Variants in RNLS observed in about 807,000 individuals in gnomAD.
The protein encoded by RNLS is renalase, FAD dependent amine oxidase, also known as renalase.
RNLS carries 39 observed loss-of-function variants against 39.8 expected under a neutral mutation model. The observed-to-expected ratio is 0.98, with a 90% CI of 0.76 to 1.28. RNLS has a LOEUF of 1.28. RNLS is among the 50% of genes most tolerant of loss of function. RNLS has a pLI of 0.00. For missense variants in RNLS, 410 were observed against 413.3 expected (o/e 0.99, Z 0.07); for synonymous variants, 147 against 150.7 (o/e 0.98, Z 0.18).
chr10:88,293,059 C>T (rs922591380), intron 6 of RNLS, among the ~76,000 whole-genome samples: 9 of 151,644 alleles, frequency 5.9e-5, no homozygotes, highest in Non-Finnish European at 1.2e-4. Context: ...AAACAAATAA[C>T]AAGAAACAAA....
At chr10:88,195,423 C>T in the RNLS span, among the ~76,000 whole-genome samples, 1 of 151,956 alleles carries the variant, frequency 6.6e-6, no homozygotes, top group Non-Finnish European at 1.5e-5. Context: ...AATTTCACAC[C>T]CCCCTCCTTT....
intron 1 of RNLS, 122 bp downstream of exon 1, chr10:88,582,951 C>A: frequency 8.5e-7 from 1 of 1,172,498 alleles, no homozygotes; most frequent in Non-Finnish European, 1.2e-6. Context: ...CGCTACACGG[C>A]CGCTCAGGGA....
At chr10:88,422,289 A>G (rs1854454542) in intron 4 of RNLS, among the ~76,000 whole-genome samples, 1 of 152,196 alleles carries the variant, frequency 6.6e-6, no homozygotes. Context: ...TTTAAAAACC[A>G]TTTTATATGG....
chr10:88,442,887 G>C (rs1216141407), intron 4 of RNLS, among the ~76,000 whole-genome samples: 2 of 152,142 alleles, frequency 1.3e-5, no homozygotes, highest in Non-Finnish European at 2.9e-5. Flanking sequence ...CCCTCCACCA[G>C]ACATTGCTAT....
intron 2 of RNLS, 79 bp downstream of exon 2, chr10:88,582,123 C>T: frequency 9.0e-7 from 1 of 1,109,268 alleles, no homozygotes; most frequent in South Asian, 1.5e-5. Flanking sequence ...TTCCATTTAT[C>T]AGCTAATCTA....
intron 6 of RNLS, among the ~76,000 whole-genome samples, chr10:88,313,241 G>A (rs1425852938): frequency 6.6e-6 from 1 of 152,112 alleles, no homozygotes; most frequent in Non-Finnish European, 1.5e-5. Context: ...TTACGAGAAA[G>A]GCACAAGAGG....
intron 4 of RNLS, among the ~76,000 whole-genome samples, chr10:88,561,017 C>T (rs1333596372): frequency 6.6e-6 from 1 of 152,074 alleles, no homozygotes; most frequent in Non-Finnish European, 1.5e-5. Flanking sequence ...AACTCTCTAG[C>T]ACCACAGGTG....
At chr10:88,366,841 T>C (rs1489327991) in intron 4 of RNLS, among the ~76,000 whole-genome samples, 1 of 151,742 alleles carries the variant, frequency 6.6e-6, no homozygotes, top group African/African-American at 2.4e-5. Flanking sequence ...GATGTTTCCT[T>C]GTTCCCGCTC....
intron 5 of RNLS, among the ~76,000 whole-genome samples, chr10:88,362,197 C>A: frequency 6.6e-6 from 1 of 151,512 alleles, no homozygotes; most frequent in African/African-American, 2.4e-5. Context: ...AAAAAAATAC[C>A]CAAACCAAAC....
chr10:88,315,790 T>TA (rs1845719806), intron 5 of RNLS, among the ~76,000 whole-genome samples: 1 of 151,782 alleles, frequency 6.6e-6, no homozygotes, highest in Admixed American at 6.6e-5. Flanking sequence ...TTTTTTTTTT[T>TA]AATGAGAATA....
intron 4 of RNLS, among the ~76,000 whole-genome samples, chr10:88,498,017 G>T (rs1031454863): frequency 2.0e-4 from 30 of 151,760 alleles, no homozygotes; most frequent in African/African-American, 7.3e-4. Flanking sequence ...AGAATCAATG[G>T]ATGCCAAAAA....
chr10:88,499,304 C>G (rs1225301960), intron 4 of RNLS, among the ~76,000 whole-genome samples: 1 of 152,078 alleles, frequency 6.6e-6, no homozygotes, highest in Non-Finnish European at 1.5e-5. Flanking sequence ...TGCAAAGCTT[C>G]CCATTTGTTT....
Position 88,505,687 on chromosome 10 carries a change from A to G in RNLS, c.526+67216T>C, listed in dbSNP as rs1165023312. 2.6e-5 allele frequency among the ~76,000 whole-genome samples: 4 copies of G among 152,184 alleles called. No homozygotes were observed. The East Asian group carries it at 7.7e-4, about 29-fold the overall frequency. On this transcript the variant is annotated intron_variant, in intron 4 of 6. Transcript: ENST00000331772. ...ATCACCTTTCCCTTAAAGATTATTT[A>G]TTAATTTCAGAGAATAAATCCCACA... is the stretch of plus-strand genomic sequence containing the variant.
chr10:88,488,823 G>A (rs1374124478), intron 4 of RNLS, among the ~76,000 whole-genome samples: 2 of 152,130 alleles, frequency 1.3e-5, no homozygotes, highest in Admixed American at 6.6e-5. Context: ...GTTTGAAGGA[G>A]GAATTTGGGT....
chr10:88,540,146 G>C (rs371938684), intron 4 of RNLS, among the ~76,000 whole-genome samples: 1 of 152,028 alleles, frequency 6.6e-6, no homozygotes, highest in East Asian at 1.9e-4. Flanking sequence ...AATGCCTGTG[G>C]AACAACTGCA....
intron 4 of RNLS, among the ~76,000 whole-genome samples, chr10:88,365,462 T>G (rs934270285): frequency 6.6e-6 from 1 of 151,140 alleles, no homozygotes; most frequent in African/African-American, 2.4e-5. Context: ...TCCAATATAA[T>G]AAATCTTTAC....
chr10:88,521,647 G>C (rs117464876), intron 4 of RNLS, among the ~76,000 whole-genome samples: 2,307 of 152,134 alleles, frequency 0.015, 29 homozygotes, highest in Non-Finnish European at 0.025. Flanking sequence ...ACAATAAAAT[G>C]TACTAGGTTT....
Position 88,284,914 on chromosome 10 carries a change from A to G in RNLS, c.*440T>C, listed in dbSNP as rs1392967942. The G allele has an allele frequency of 7.1e-6, 7 of 985,814 alleles. No homozygotes were observed. In the East Asian group the frequency reaches 5.7e-4, roughly 80 times the overall value. 61.1% of individuals were successfully genotyped at this position (985,814 alleles called of 1,614,324 possible). ...ACATTTTGGAAAAATCTTGTTTTGT[A>G]TAATTTGCAAAAATATTGATTCAAG... On this transcript the variant is annotated 3_prime_UTR_variant, in exon 7 of 7. Coordinates refer to ENST00000331772, the MANE Select transcript of RNLS (RefSeq NM_001031709.3).
chr10:88,284,979 A>G lies in RNLS; in HGVS notation c.*375T>C, dbSNP rs1211555834. The G allele has an allele frequency of 7.1e-6, 7 of 992,048 alleles. No homozygotes were observed. The highest frequency in any genetic ancestry group is 7.2e-6 in the Non-Finnish European group (6 of 834,456). The allele number at this position is 992,048 out of a possible 1,614,324, so 61.5% of individuals were successfully genotyped here. On this transcript the variant is annotated 3_prime_UTR_variant, in exon 7 of 7. Transcript: ENST00000331772. ...CTTAAGATGGGGCTTTGATAATGTGATTATTCTTTATTCAGAATTGAAATT... is the reference window on the plus strand; with the variant it reads ...CTTAAGATGGGGCTTTGATAATGTGGTTATTCTTTATTCAGAATTGAAATT...
Sources: gnomAD v4.1 joint callset for allele counts (sites outside exome capture counted in the v4.1 genomes callset) on GRCh38, gnomAD v4.1.1 for gene constraint, MANE v1.5 for transcripts, NCBI Gene and HGNC (gene_info 2026-07-23, HGNC 2026-07-21) for gene names.